ADGRB3: variants seen among roughly 807,000 people sequenced by gnomAD.
The protein encoded by ADGRB3 is brain-specific angiogenesis inhibitor 3.
Under a neutral mutation model 193.4 loss-of-function variants are expected in ADGRB3, and 37 were observed. The ratio of observed to expected loss-of-function variants is 0.19; its 90% confidence interval spans 0.15 to 0.25. The LOEUF (loss-of-function observed/expected upper bound fraction) is 0.25. Ranked by LOEUF, ADGRB3 falls within the 10% of genes least tolerant of loss-of-function variation. ADGRB3 has a pLI of 1.00. For synonymous variants in ADGRB3, 690 were observed against 644.2 expected (o/e 1.07, Z -1.08); for missense variants, 1,637 against 1,852.9 (o/e 0.88, Z 2.14).
At chr6:69,209,551 C>CAGTGTGATA (rs1375109760) in intron 17 of ADGRB3, among the ~76,000 whole-genome samples, 2 of 152,188 alleles carry the variant, frequency 1.3e-5, no homozygotes, top group African/African-American at 4.8e-5. Flanking sequence ...TGTAATGGAC[C>CAGTGTGATA]AGTGTGATAT....
intron 26 of ADGRB3, among the ~76,000 whole-genome samples, chr6:69,343,757 C>G (rs983557165): frequency 1.3e-5 from 2 of 151,842 alleles, no homozygotes; most frequent in African/African-American, 4.8e-5. Flanking sequence ...AAAAAGAAGC[C>G]ATCTGATTCA....
chr6:68,956,301 ATGTGTGTGTG>A (rs3831272), intron 7 of ADGRB3, 113 bp downstream of exon 7: 6 of 879,242 alleles, frequency 6.8e-6, no homozygotes, highest in African/African-American at 1.8e-5. Flanking sequence ...TTATATATAT[ATGTGTGTGTG>A]TGTGTGTGTG....
rs186395984 is a variant in ADGRB3, at chr6:68,908,190, A to G, written c.758-22369A>G. Among the ~76,000 whole-genome samples the G allele has an allele frequency of 9.2e-5, 14 of 152,030 alleles. No homozygotes were observed. The East Asian group carries it at 2.3e-3, about 25-fold the overall frequency. On this transcript the variant is annotated intron_variant, in intron 3 of 31. Coordinates refer to ENST00000370598, the MANE Select transcript of ADGRB3 (RefSeq NM_001704.3). Reference sequence around the variant, plus strand: ...TTGAATTTGCTACAGTTTTTCTGCTACTCTCAAAAAGAAACATCTATTGGC... The same window carrying G: ...TTGAATTTGCTACAGTTTTTCTGCTGCTCTCAAAAAGAAACATCTATTGGC...
intron 17 of ADGRB3, among the ~76,000 whole-genome samples, chr6:69,105,960 G>T (rs2086599): frequency 6.6e-6 from 1 of 151,780 alleles, no homozygotes; most frequent in South Asian, 2.1e-4. Flanking sequence ...CATGGTGAAA[G>T]CTTATCTCTA....
At chr6:69,262,127 C>A (rs935095927) in intron 20 of ADGRB3, among the ~76,000 whole-genome samples, 2 of 152,016 alleles carry the variant, frequency 1.3e-5, no homozygotes, top group African/African-American at 2.4e-5. Context: ...GAATGAGGTC[C>A]AAGCTATACT....
At chr6:68,660,260 C>T (rs932484682) in intron 3 of ADGRB3, among the ~76,000 whole-genome samples, 1 of 148,688 alleles carries the variant, frequency 6.7e-6, no homozygotes, top group Admixed American at 6.8e-5. Flanking sequence ...CATATAAGTA[C>T]AGTATTAAAA....
At chr6:69,176,303 T>C (rs114800303) in intron 17 of ADGRB3, among the ~76,000 whole-genome samples, 230 of 152,316 alleles carry the variant, frequency 1.5e-3, no homozygotes, top group African/African-American at 5.1e-3. Flanking sequence ...TATTTTGAGG[T>C]ATGTTCCTAT....
At chr6:69,208,020 C>T (rs1765575090) in intron 17 of ADGRB3, among the ~76,000 whole-genome samples, 1 of 152,182 alleles carries the variant, frequency 6.6e-6, no homozygotes, top group Non-Finnish European at 1.5e-5. Flanking sequence ...ATATCGAGGG[C>T]TCGGCGTTGG....
At chr6:69,079,619 A>AAAGAGGAAG (rs1384273140) in intron 17 of ADGRB3, among the ~76,000 whole-genome samples, 2 of 152,040 alleles carry the variant, frequency 1.3e-5, no homozygotes, top group African/African-American at 4.8e-5. Flanking sequence ...GCGACTAGGA[A>AAAGAGGAAG]AAGAGGAAGT....
chr6:68,869,369 G>T (rs1765396270), intron 3 of ADGRB3, among the ~76,000 whole-genome samples: 1 of 152,024 alleles, frequency 6.6e-6, no homozygotes, highest in Admixed American at 6.6e-5. Context: ...GAAATTCAAG[G>T]AATATCTTTA....
intron 10 of ADGRB3, among the ~76,000 whole-genome samples, chr6:68,981,122 C>A (rs1192701238): frequency 6.6e-6 from 1 of 151,620 alleles, no homozygotes; most frequent in African/African-American, 2.4e-5. Context: ...CTTGTCACCA[C>A]GCTCCAAAAT....
At chr6:69,150,839 A>C (rs1007221718) in intron 17 of ADGRB3, among the ~76,000 whole-genome samples, 1 of 152,126 alleles carries the variant, frequency 6.6e-6, no homozygotes, top group Non-Finnish European at 1.5e-5. Flanking sequence ...GTCAGGACTT[A>C]GTCCTTTCTT....
At chr6:69,330,107 TA>T (rs781552993) in intron 22 of ADGRB3, among the ~76,000 whole-genome samples, 5 of 150,722 alleles carry the variant, frequency 3.3e-5, no homozygotes, top group Admixed American at 2.0e-4. Flanking sequence ...TCTAAAACTC[TA>T]AAAAAAAATA....
At chr6:69,195,768 T>C (rs997926251) in intron 17 of ADGRB3, among the ~76,000 whole-genome samples, 4 of 152,134 alleles carry the variant, frequency 2.6e-5, no homozygotes, top group Non-Finnish European at 4.4e-5. Flanking sequence ...CCTGGTGGAA[T>C]CATAGTCTCT....
chr6:68,779,544 A>G (rs920521461), intron 3 of ADGRB3, among the ~76,000 whole-genome samples: 5 of 152,092 alleles, frequency 3.3e-5, no homozygotes, highest in African/African-American at 1.2e-4. Context: ...AACGTTTGGC[A>G]TATCAAATCA....
At chr6:68,911,382 C>G (rs543076198) in intron 3 of ADGRB3, among the ~76,000 whole-genome samples, 6 of 151,262 alleles carry the variant, frequency 4.0e-5, no homozygotes, top group African/African-American at 1.2e-4. Flanking sequence ...CAAACCTGCA[C>G]GTTGTGCACA....
At chr6:69,280,436 C>T (rs576922343) in intron 20 of ADGRB3, among the ~76,000 whole-genome samples, 3 of 152,242 alleles carry the variant, frequency 2.0e-5, no homozygotes, top group African/African-American at 2.4e-5. Flanking sequence ...CTAAGACTGC[C>T]GAGTTTTGAA....
intron 16 of ADGRB3, among the ~76,000 whole-genome samples, chr6:69,067,442 G>A (rs1771941561): frequency 6.6e-6 from 1 of 152,070 alleles, no homozygotes; most frequent in South Asian, 2.1e-4. Context: ...CAACTGTAAC[G>A]AATATGCTTG....
Position 68,944,560 on chromosome 6 carries a change from T to A in ADGRB3, c.1195+566T>A, listed in dbSNP as rs536895419. ...GTGTATTTATGTTATCTTAAATTTT[T>A]AATTTTAAATTTAAATTTTAAAATT... On this transcript the variant is annotated intron_variant, in intron 6 of 31. Transcript: ENST00000370598. 5.3e-5 allele frequency among the ~76,000 whole-genome samples: 8 copies of A among 152,290 alleles called. No individual in the cohort carries two copies. In the South Asian group the frequency reaches 1.4e-3, roughly 28 times the overall value.
Sources: allele counts gnomAD v4.1 joint callset (sites outside exome capture counted in the v4.1 genomes callset), GRCh38; gene constraint gnomAD v4.1.1; transcripts MANE v1.5; gene names NCBI Gene and HGNC (gene_info 2026-07-23, HGNC 2026-07-21).